The following NLGN1 variants were observed in gnomAD, a reference collection of about 807,000 sequenced individuals.
NLGN1 encodes the protein neuroligin-1.
Under a neutral mutation model 65.5 loss-of-function variants are expected in NLGN1, and 12 were observed. The ratio of observed to expected loss-of-function variants is 0.18; its 90% confidence interval spans 0.12 to 0.30. NLGN1 has a LOEUF of 0.30. NLGN1 is among the 10% of genes least tolerant of loss of function. NLGN1 has a pLI of 1.00. For missense variants in NLGN1, 750 were observed against 1,007.1 expected (o/e 0.74, Z 3.46); for synonymous variants, 350 against 359.5 (o/e 0.97, Z 0.30).
intron 3 of NLGN1, among the ~76,000 whole-genome samples, chr3:173,677,871 A>G (rs1159340475): frequency 6.6e-6 from 1 of 152,152 alleles, no homozygotes; most frequent in Non-Finnish European, 1.5e-5. Flanking sequence ...TGAAAGTCTT[A>G]CAGCCAAACT....
At chr3:173,661,821 A>G (rs928363117) in intron 3 of NLGN1, among the ~76,000 whole-genome samples, 1 of 152,006 alleles carries the variant, frequency 6.6e-6, no homozygotes, top group Non-Finnish European at 1.5e-5. Flanking sequence ...AGATAAGTTT[A>G]CCCATATCGT....
At chr3:174,263,092 G>A (rs1328927739) in intron 4 of NLGN1, among the ~76,000 whole-genome samples, 2 of 146,866 alleles carry the variant, frequency 1.4e-5, no homozygotes, top group Non-Finnish European at 3.0e-5. Context: ...GCTGAGGAGA[G>A]CTTTACTTCC....
intron 4 of NLGN1, among the ~76,000 whole-genome samples, chr3:173,835,256 G>A (rs950255982): frequency 6.6e-6 from 1 of 152,016 alleles, no homozygotes; most frequent in African/African-American, 2.4e-5. Context: ...ATATATCGTG[G>A]TTGCTTCACT....
intron 2 of NLGN1, among the ~76,000 whole-genome samples, chr3:173,514,532 C>T (rs1040446321): frequency 6.6e-6 from 1 of 152,124 alleles, no homozygotes; most frequent in Non-Finnish European, 1.5e-5. Flanking sequence ...ATCAGATCTA[C>T]CCTCTTCACA....
At chr3:173,517,983 C>T (rs1257123276) in intron 2 of NLGN1, among the ~76,000 whole-genome samples, 1 of 152,136 alleles carries the variant, frequency 6.6e-6, no homozygotes, top group Admixed American at 6.5e-5. Flanking sequence ...TCTCATACAA[C>T]CATCCTTTTG....
intron 4 of NLGN1, among the ~76,000 whole-genome samples, chr3:174,013,954 G>T (rs1183477759): frequency 6.6e-6 from 1 of 151,700 alleles, no homozygotes; most frequent in African/African-American, 2.4e-5. Flanking sequence ...GGCTCAAGTG[G>T]TCCTCTCTCT....
chr3:174,103,024 A>G (rs1712899691), intron 4 of NLGN1, among the ~76,000 whole-genome samples: 1 of 152,216 alleles, frequency 6.6e-6, no homozygotes, highest in Non-Finnish European at 1.5e-5. Context: ...GCTTTCATGC[A>G]GAAATAAAAT....
At chr3:174,287,927 G>T (rs57348074), downstream of NLGN1, among the ~76,000 whole-genome samples, 4,144 of 151,592 alleles carry the variant, frequency 0.027, 187 homozygotes, top group African/African-American at 0.096. Flanking sequence ...CATCAATCAA[G>T]CAATGAAAGA....
At chr3:173,970,278 A>G (rs1715919318) in intron 4 of NLGN1, among the ~76,000 whole-genome samples, 1 of 152,172 alleles carries the variant, frequency 6.6e-6, no homozygotes, top group Admixed American at 6.6e-5. Context: ...GACTAGTAAT[A>G]TTTTGTGGTA....
intron 4 of NLGN1, among the ~76,000 whole-genome samples, chr3:173,826,412 T>C: frequency 6.6e-6 from 1 of 152,006 alleles, no homozygotes; most frequent in East Asian, 1.9e-4. Flanking sequence ...ACAGCTACAC[T>C]TAACTGCAAC....
chr3:173,982,697 G>GGTTGATCCA (rs1719025474), intron 4 of NLGN1, among the ~76,000 whole-genome samples: 1 of 152,154 alleles, frequency 6.6e-6, no homozygotes, highest in Non-Finnish European at 1.5e-5. Context: ...ATATTGGTTA[G>GGTTGATCCA]GTTGATCCAG....
intron 3 of NLGN1, among the ~76,000 whole-genome samples, chr3:173,667,684 C>G (rs146181278): frequency 2.7e-3 from 410 of 152,204 alleles, no homozygotes; most frequent in African/African-American, 9.6e-3. Flanking sequence ...GGCCGGAGTA[C>G]AGTGGCTTGA....
intron 3 of NLGN1, among the ~76,000 whole-genome samples, chr3:173,763,668 A>G (rs1231899227): frequency 6.6e-6 from 1 of 152,064 alleles, no homozygotes; most frequent in Non-Finnish European, 1.5e-5. Flanking sequence ...CTATGCCTTC[A>G]ACTCTCCAGC....
At chr3:173,828,446 C>T (rs1249874843) in intron 4 of NLGN1, among the ~76,000 whole-genome samples, 1 of 152,080 alleles carries the variant, frequency 6.6e-6, no homozygotes, top group Non-Finnish European at 1.5e-5. Context: ...TTTCTGTGTT[C>T]ATCCAACAGA....
At chr3:173,592,985 T>C (rs1244739385) in intron 2 of NLGN1, among the ~76,000 whole-genome samples, 1 of 152,126 alleles carries the variant, frequency 6.6e-6, no homozygotes, top group Non-Finnish European at 1.5e-5. Context: ...AGCATTTGGG[T>C]TTCCTGTTAC....
At chr3:174,209,074 A>G (rs951501526) in intron 4 of NLGN1, among the ~76,000 whole-genome samples, 1 of 151,920 alleles carries the variant, frequency 6.6e-6, no homozygotes, top group Non-Finnish European at 1.5e-5. Context: ...GGAACATGCC[A>G]CCAGGCCCAG....
intron 4 of NLGN1, among the ~76,000 whole-genome samples, chr3:174,017,231 C>T (rs927029161): frequency 1.3e-5 from 2 of 152,146 alleles, no homozygotes; most frequent in Non-Finnish European, 2.9e-5. Flanking sequence ...TGTTTATTCA[C>T]TCTTCTTTTG....
At chr3:173,420,547 T>C (rs1295268683) in intron 1 of NLGN1, among the ~76,000 whole-genome samples, 2 of 152,206 alleles carry the variant, frequency 1.3e-5, no homozygotes, top group African/African-American at 4.8e-5. Context: ...TACGTGTGCA[T>C]GTGTCTTTAT....
intron 4 of NLGN1, among the ~76,000 whole-genome samples, chr3:174,260,687 A>G (rs1746718762): frequency 6.9e-6 from 1 of 144,040 alleles, no homozygotes; most frequent in South Asian, 2.2e-4. Flanking sequence ...TCTTTAGTTT[A>G]ATTAGATCCC....
Sources: allele counts gnomAD v4.1 joint callset (sites outside exome capture counted in the v4.1 genomes callset), GRCh38; gene constraint gnomAD v4.1.1; transcripts MANE v1.5; gene names NCBI Gene and HGNC (gene_info 2026-07-23, HGNC 2026-07-21).